RBM46: variants seen among roughly 807,000 people sequenced by gnomAD.
RBM46 encodes the protein RNA binding motif protein 46.
In RBM46, 12 loss-of-function variants were observed where a neutral mutation model predicts 43.3. That is an observed-to-expected ratio of 0.28 (90% confidence interval 0.18 to 0.45). The LOEUF (loss-of-function observed/expected upper bound fraction) is 0.45. Among genes scored for constraint, RBM46 ranks in the 20% least tolerant of loss-of-function variants. RBM46 has a pLI of 1.00. For missense variants in RBM46, 412 were observed against 639.1 expected (o/e 0.64, Z 3.83); for synonymous variants, 205 against 207.6 (o/e 0.99, Z 0.11).
At chr4:154,814,045 A>G (rs1214357846) in intron 4 of RBM46, among the ~76,000 whole-genome samples, 1 of 152,058 alleles carries the variant, frequency 6.6e-6, no homozygotes, top group Non-Finnish European at 1.5e-5. Flanking sequence ...AGAACAAGTC[A>G]TCTATCTACA....
chr4:154,790,156 G>A (rs1433606646), intron 1 of RBM46: 2 of 151,982 alleles, frequency 1.3e-5, no homozygotes, highest in Non-Finnish European at 2.9e-5. Flanking sequence ...AGGTTTTTTT[G>A]TGTCTCTATC....
intron 4 of RBM46, among the ~76,000 whole-genome samples, chr4:154,809,349 A>G (rs1020656863): frequency 2.6e-5 from 4 of 152,042 alleles, no homozygotes; most frequent in Admixed American, 1.3e-4. Flanking sequence ...TTGAATTGAT[A>G]TATTGGAGAA....
chr4:154,786,667 G>T (rs1369262973), intron 1 of RBM46, among the ~76,000 whole-genome samples: 1 of 151,814 alleles, frequency 6.6e-6, no homozygotes, highest in South Asian at 2.1e-4. Flanking sequence ...GATGGCTCAC[G>T]CCTTTAATCC....
chr4:154,789,631 T>C (rs1733974953), intron 1 of RBM46, among the ~76,000 whole-genome samples: 1 of 152,170 alleles, frequency 6.6e-6, no homozygotes, highest in African/African-American at 2.4e-5. Context: ...TGGTCTAAAA[T>C]TCTCTTTTTT....
At chr4:154,806,305 G>A (rs1734903968) in intron 4 of RBM46, among the ~76,000 whole-genome samples, 1 of 151,792 alleles carries the variant, frequency 6.6e-6, no homozygotes, top group Non-Finnish European at 1.5e-5. Context: ...TAAGAATTGA[G>A]AATCCTTTCT....
At chr4:154,827,294 A>G in intron 4 of RBM46, 4 of 941,488 alleles carry the variant, frequency 4.2e-6, no homozygotes, top group Middle Eastern at 5.5e-4. Flanking sequence ...GTGATTCATT[A>G]TACTGTTTTA....
intron 4 of RBM46, among the ~76,000 whole-genome samples, chr4:154,815,944 A>G (rs1055315626): frequency 1.3e-5 from 2 of 152,056 alleles, no homozygotes; most frequent in Non-Finnish European, 2.9e-5. Context: ...CCCCGCTCAT[A>G]TGAATATTCA....
intron 4 of RBM46, among the ~76,000 whole-genome samples, chr4:154,826,580 A>C (rs564976637): frequency 6.6e-6 from 1 of 152,196 alleles, no homozygotes; most frequent in Non-Finnish European, 1.5e-5. Flanking sequence ...AAATAGTGAA[A>C]ATATTTGGAA....
At chr4:154,813,010 G>A (rs908983978) in intron 4 of RBM46, among the ~76,000 whole-genome samples, 12 of 151,868 alleles carry the variant, frequency 7.9e-5, no homozygotes, top group African/African-American at 2.9e-4. Flanking sequence ...TGTATATAAA[G>A]CCAGTGGACT....
chr4:154,819,310 G>T lies in RBM46; in HGVS notation c.1403-8558G>T, dbSNP rs190179690. 9.7e-4 allele frequency among the ~76,000 whole-genome samples: 148 copies of T among 152,280 alleles called. 2 individuals carry two copies. Among genetic ancestry groups the T allele is most frequent in the Admixed American group, 9.6e-3 (146 of 15,286 alleles). ...TCTGGTCCATTTTTACTCAGTTCCA[G>T]TCATTCCTTGTTAGTAGCTCTTTAG... On this transcript the variant is annotated intron_variant, in intron 4 of 4. Coordinates refer to ENST00000281722, the MANE Select transcript of RBM46 (RefSeq NM_144979.5).
intron 4 of RBM46, chr4:154,820,429 G>A: frequency 6.8e-7 from 1 of 1,472,582 alleles, no homozygotes; most frequent in Admixed American, 2.0e-5. Flanking sequence ...ACAGGTAAGA[G>A]TTTATTAGGT....
intron 1 of RBM46, chr4:154,790,432 T>C (rs1045999827): frequency 4.6e-5 from 7 of 152,216 alleles, no homozygotes; most frequent in African/African-American, 1.4e-4. Flanking sequence ...TTGCTCCATC[T>C]GCTCCACTCA....
intron 1 of RBM46, among the ~76,000 whole-genome samples, chr4:154,789,684 C>T (rs1390990246): frequency 6.6e-6 from 1 of 152,138 alleles, no homozygotes; most frequent in Non-Finnish European, 1.5e-5. Flanking sequence ...TGATGCTGGC[C>T]TCATAAAATG....
intron 1 of RBM46, among the ~76,000 whole-genome samples, chr4:154,787,744 T>C (rs1733853547): frequency 6.6e-6 from 1 of 152,176 alleles, no homozygotes; most frequent in Non-Finnish European, 1.5e-5. Context: ...TTCTAGATCC[T>C]TGAGGAATCA....
At chr4:154,812,906 T>C (rs1735250331) in intron 4 of RBM46, among the ~76,000 whole-genome samples, 1 of 152,214 alleles carries the variant, frequency 6.6e-6, no homozygotes, top group East Asian at 1.9e-4. Flanking sequence ...TATTAAGCTG[T>C]TATTGGACAT....
chr4:154,790,805 G>A (rs1018183873), intron 1 of RBM46, among the ~76,000 whole-genome samples: 2 of 152,184 alleles, frequency 1.3e-5, no homozygotes, highest in African/African-American at 4.8e-5. Context: ...TGGGACAAGT[G>A]AGTAAAAGAT....
intron 4 of RBM46, among the ~76,000 whole-genome samples, chr4:154,801,144 A>G (rs1025373508): frequency 6.6e-6 from 1 of 151,930 alleles, no homozygotes; most frequent in African/African-American, 2.4e-5. Context: ...GTGCCCGGCT[A>G]ATTTTTGTAT....
At chr4:154,814,936 T>A (rs1327434216) in intron 4 of RBM46, among the ~76,000 whole-genome samples, 1 of 151,792 alleles carries the variant, frequency 6.6e-6, no homozygotes, top group Non-Finnish European at 1.5e-5. Context: ...CATGAGGGAC[T>A]ATGTCGGTAT....
At position 154,827,985 on chromosome 4, in the gene RBM46, C is replaced by T. The variant is rs777048083; in HGVS notation, c.1520C>T (p.Pro507Leu). The change falls in exon 5 of 5, where the codon CCT (proline) becomes CTT (leucine). Residue 507 changes from proline (P) to leucine (L), a missense_variant. Physicochemically the swap from Pro to Leu is moderately conservative, Grantham distance 98. Coordinates refer to ENST00000281722, the MANE Select transcript of RBM46 (RefSeq NM_144979.5). ...TSRPYSYPGY[P>L]LSPTISLANG... Reference sequence around the variant, plus strand: ...AGGCCTTATTCTTATCCAGGCTATCCTTTGTCACCAACAATATCACTTGCT... The same window carrying T: ...AGGCCTTATTCTTATCCAGGCTATCTTTTGTCACCAACAATATCACTTGCT... 39 of 1,613,864 alleles carry T rather than the reference C, an allele frequency of 2.4e-5. No homozygotes were observed. Among genetic ancestry groups the T allele is most frequent in the Non-Finnish European group, 3.1e-5 (37 of 1,179,916 alleles).
Sources: allele counts gnomAD v4.1 joint callset (sites outside exome capture counted in the v4.1 genomes callset), GRCh38; gene constraint gnomAD v4.1.1; transcripts MANE v1.5; gene names NCBI Gene and HGNC (gene_info 2026-07-23, HGNC 2026-07-21).